The following MICU3 variants were observed in gnomAD, a reference collection of about 807,000 sequenced individuals.
The protein encoded by MICU3 is mitochondrial calcium uptake 3.
In MICU3, 62 loss-of-function variants were observed where a neutral mutation model predicts 66.5. The observed-to-expected ratio is 0.93, with a 90% CI of 0.76 to 1.15. The LOEUF is 1.15. MICU3 is among the 50% of genes most tolerant of loss of function. The pLI is 0.00. For synonymous variants in MICU3, 308 were observed against 240.7 expected (o/e 1.28, Z -2.59); for missense variants, 779 against 664.4 (o/e 1.17, Z -1.90).
At chr8:17,059,760 A>C (rs1393287357) in intron 1 of MICU3, among the ~76,000 whole-genome samples, 2 of 152,162 alleles carry the variant, frequency 1.3e-5, no homozygotes. Flanking sequence ...GAAATTATGA[A>C]ATGCTTAGGA....
intron 11 of MICU3, among the ~76,000 whole-genome samples, chr8:17,111,969 C>A (rs1802240065): frequency 6.6e-6 from 1 of 152,136 alleles, no homozygotes; most frequent in Non-Finnish European, 1.5e-5. Context: ...CACAAGGCAG[C>A]AGGAGAGAAA....
At chr8:17,083,537 T>G (rs1821505385) in intron 5 of MICU3, among the ~76,000 whole-genome samples, 1 of 152,150 alleles carries the variant, frequency 6.6e-6, no homozygotes, top group Admixed American at 6.6e-5. Flanking sequence ...AAGAAGCAAC[T>G]GAATGAACAA....
At chr8:17,125,091 C>T (rs1803370077), downstream of MICU3, among the ~76,000 whole-genome samples, 1 of 151,954 alleles carries the variant, frequency 6.6e-6, no homozygotes, top group South Asian at 2.1e-4. Context: ...CTCAGTTTTC[C>T]TGGTATTTCT....
At chr8:17,054,024 G>C (rs141826014) in intron 1 of MICU3, among the ~76,000 whole-genome samples, 225 of 152,298 alleles carry the variant, frequency 1.5e-3, no homozygotes, top group African/African-American at 5.1e-3. Context: ...TCTGTGATCT[G>C]TGCTTGGGCA....
intron 1 of MICU3, among the ~76,000 whole-genome samples, chr8:17,044,009 A>T (rs1585202252): frequency 6.6e-6 from 1 of 152,362 alleles, no homozygotes; most frequent in East Asian, 1.9e-4. Flanking sequence ...GAATTATAGC[A>T]GTCGTTTATA....
At chr8:17,129,412 G>A in the MICU3 span, among the ~76,000 whole-genome samples, 1 of 152,090 alleles carries the variant, frequency 6.6e-6, no homozygotes, top group Admixed American at 6.5e-5. Flanking sequence ...AAAAATAATA[G>A]CATAATAGGT....
At chr8:17,040,114 G>T (rs770903213) in intron 1 of MICU3, among the ~76,000 whole-genome samples, 1 of 151,860 alleles carries the variant, frequency 6.6e-6, no homozygotes, top group Non-Finnish European at 1.5e-5. Flanking sequence ...CTCCATGTTG[G>T]TCAGGCTGGT....
chr8:17,119,288 T>G (rs1240026840), intron 14 of MICU3, among the ~76,000 whole-genome samples: 1 of 152,156 alleles, frequency 6.6e-6, no homozygotes, highest in Non-Finnish European at 1.5e-5. Context: ...TATTATAACT[T>G]ATTATTCCTT....
chr8:17,091,139 A>C (rs1357905439), intron 8 of MICU3, among the ~76,000 whole-genome samples: 1 of 152,022 alleles, frequency 6.6e-6, no homozygotes, highest in Admixed American at 6.6e-5. Flanking sequence ...ATTATTTCTA[A>C]AGAGGATAAT....
intron 1 of MICU3, among the ~76,000 whole-genome samples, chr8:17,056,118 T>A (rs1816881424): frequency 6.6e-6 from 1 of 152,194 alleles, no homozygotes; most frequent in Non-Finnish European, 1.5e-5. Flanking sequence ...CAGTCTTCTA[T>A]CCGAATCCCC....
At chr8:17,040,451 G>T (rs1813873737) in intron 1 of MICU3, among the ~76,000 whole-genome samples, 1 of 152,118 alleles carries the variant, frequency 6.6e-6, no homozygotes. Context: ...ATGGAGATCA[G>T]AAGATCACAT....
intron 6 of MICU3, 146 bp downstream of exon 6, chr8:17,085,464 G>A: frequency 4.0e-6 from 2 of 498,722 alleles, no homozygotes; most frequent in Non-Finnish European, 7.2e-6. Context: ...ATAATACTCA[G>A]GTACTTTGAA....
At chr8:17,049,367 C>G (rs1815659695) in intron 1 of MICU3, among the ~76,000 whole-genome samples, 1 of 152,034 alleles carries the variant, frequency 6.6e-6, no homozygotes, top group South Asian at 2.1e-4. Flanking sequence ...AACTTTGTGC[C>G]TGGAGTTGAG....
chr8:17,129,960 C>A, the MICU3 span, among the ~76,000 whole-genome samples: 1 of 152,060 alleles, frequency 6.6e-6, no homozygotes, highest in Non-Finnish European at 1.5e-5. Flanking sequence ...TGTATAACAT[C>A]TTTAAATGGT....
chr8:17,094,240 C>CT (rs1338887377), intron 8 of MICU3, among the ~76,000 whole-genome samples: 6 of 151,934 alleles, frequency 3.9e-5, no homozygotes, highest in African/African-American at 9.7e-5. Flanking sequence ...AGTTAATTCA[C>CT]TTTTTTTGCT....
At chr8:17,041,645 A>C (rs1814125639) in intron 1 of MICU3, among the ~76,000 whole-genome samples, 1 of 152,126 alleles carries the variant, frequency 6.6e-6, no homozygotes, top group African/African-American at 2.4e-5. Context: ...TGCTGATGGA[A>C]AAAAGAAGAT....
At chr8:17,099,056 A>C (rs1291366903) in intron 9 of MICU3, among the ~76,000 whole-genome samples, 1 of 151,670 alleles carries the variant, frequency 6.6e-6, no homozygotes, top group Non-Finnish European at 1.5e-5. Flanking sequence ...TGAAAATAAA[A>C]AGCAGACCGA....
chr8:17,113,797 T>G (rs762777810), intron 11 of MICU3, among the ~76,000 whole-genome samples: 28 of 152,296 alleles, frequency 1.8e-4, no homozygotes, highest in Non-Finnish European at 3.7e-4. Context: ...TTTTCAAAAT[T>G]GAAACTTTTT....
intron 6 of MICU3, among the ~76,000 whole-genome samples, chr8:17,086,421 C>T (rs550485669): frequency 4.6e-5 from 7 of 152,180 alleles, no homozygotes; most frequent in African/African-American, 1.7e-4. Context: ...ACGTGTAGTC[C>T]CTGAGCCAAG....
Sources: allele counts gnomAD v4.1 joint callset (sites outside exome capture counted in the v4.1 genomes callset), GRCh38; gene constraint gnomAD v4.1.1; transcripts MANE v1.5; gene names NCBI Gene and HGNC (gene_info 2026-07-23, HGNC 2026-07-21).